CD44: variants seen among roughly 807,000 people sequenced by gnomAD.
CD44 encodes the protein CD44 molecule (IN blood group).
A neutral mutation model predicts 88.8 loss-of-function variants in CD44; 49 were observed. The observed-to-expected ratio is 0.55, with a 90% CI of 0.44 to 0.70. The LOEUF (loss-of-function observed/expected upper bound fraction) is 0.70, where lower values mean the gene tolerates loss of function less well. Among genes scored for constraint, CD44 ranks in the 30% least tolerant of loss-of-function variants. The pLI is 0.00. For synonymous variants in CD44, 325 were observed against 312.3 expected, an observed-to-expected ratio of 1.04 and a Z score of -0.43; for missense variants, 883 against 913.8, an observed-to-expected ratio of 0.97 and a Z score of 0.43.
At chr11:35,206,337 C>A (rs1327892607) in intron 11 of CD44, 94 bp downstream of exon 11, 2 of 1,289,776 alleles carry the variant, frequency 1.6e-6, no homozygotes, top group Admixed American at 2.5e-5. Flanking sequence ...TGGTTTTAGA[C>A]CAAACTACTT....
At chr11:35,183,869 T>C (rs1168231718) in intron 3 of CD44, among the ~76,000 whole-genome samples, 1 of 152,210 alleles carries the variant, frequency 6.6e-6, no homozygotes, top group Non-Finnish European at 1.5e-5. Flanking sequence ...TGTTTATCCA[T>C]TTCCTCCTTT....
intron 1 of CD44, among the ~76,000 whole-genome samples, chr11:35,147,029 G>A (rs1197788204): frequency 6.6e-6 from 1 of 152,226 alleles, no homozygotes; most frequent in Non-Finnish European, 1.5e-5. Flanking sequence ...ATAGGGTAGG[G>A]CTGAGAGGGA....
At chr11:35,204,678 T>C (rs779728186) in intron 10 of CD44, 38 bp downstream of exon 10, 1 of 1,600,852 alleles carries the variant, frequency 6.2e-7, no homozygotes, top group Non-Finnish European at 8.6e-7. Flanking sequence ...GGATGGAAAC[T>C]TCCTTTTGGG....
chr11:35,202,398 C>T (rs713330), intron 9 of CD44, among the ~76,000 whole-genome samples: 112,802 of 152,074 alleles, frequency 0.74, 42,618 homozygotes, highest in East Asian at 0.93. Flanking sequence ...TCAGGTTTTC[C>T]AAAACAATCT....
intron 1 of CD44, among the ~76,000 whole-genome samples, chr11:35,169,777 AG>A (rs1349090734): frequency 2.6e-5 from 4 of 152,210 alleles, no homozygotes; most frequent in East Asian, 1.9e-4. Flanking sequence ...TCTGAGGCTT[AG>A]GGGGCAGTAT....
At chr11:35,203,999 C>T (rs1449288171) in intron 9 of CD44, among the ~76,000 whole-genome samples, 1 of 152,218 alleles carries the variant, frequency 6.6e-6, no homozygotes, top group Non-Finnish European at 1.5e-5. Context: ...AGCCATCCCA[C>T]CATCTTTCCT....
intron 10 of CD44, chr11:35,205,855 C>T (rs1459231960): frequency 1.8e-6 from 2 of 1,100,352 alleles, no homozygotes; most frequent in Non-Finnish European, 2.2e-6. Context: ...GGTAACTCAT[C>T]CTTTCTGCAC....
intron 17 of CD44, among the ~76,000 whole-genome samples, chr11:35,228,144 A>G (rs1565170168): frequency 6.6e-6 from 1 of 152,198 alleles, no homozygotes; most frequent in African/African-American, 2.4e-5. Context: ...AAGAGGAAGC[A>G]TTGCATTAGG....
At chr11:35,206,809 T>C (rs1315002086) in intron 11 of CD44, among the ~76,000 whole-genome samples, 1 of 152,200 alleles carries the variant, frequency 6.6e-6, no homozygotes, top group Non-Finnish European at 1.5e-5. Context: ...GGGGCCATTA[T>C]GTTGAGTGAC....
At position 35,218,699 on chromosome 11, in the gene CD44, G is replaced by GT. The variant is rs1243525194; in HGVS notation, c.1874-616dup. On this transcript the variant is annotated intron_variant, in intron 15 of 17. Transcript: ENST00000428726. ...GTTCCCTTTGGGCTTTCTGGAGCGT[G>GT]TGAGTCCCCTGGGGGTCTTGTTAAA... 2.6e-5 allele frequency among the ~76,000 whole-genome samples: 4 copies of GT among 152,292 alleles called. No individual in the cohort carries two copies. In the East Asian group the frequency reaches 7.7e-4, roughly 29 times the overall value.
chr11:35,166,633 C>T (rs1255952374), intron 1 of CD44, among the ~76,000 whole-genome samples: 1 of 152,204 alleles, frequency 6.6e-6, no homozygotes, highest in African/African-American at 2.4e-5. Flanking sequence ...ATGACAGGCT[C>T]CAGGCTCCAC....
chr11:35,216,610 C>G (rs1298972897), intron 15 of CD44, among the ~76,000 whole-genome samples: 1 of 152,140 alleles, frequency 6.6e-6, no homozygotes, highest in Non-Finnish European at 1.5e-5. Flanking sequence ...GACTCAGTTT[C>G]CTTGTTAGTA....
intron 17 of CD44, chr11:35,222,631 T>C: frequency 2.7e-6 from 2 of 735,470 alleles, no homozygotes; most frequent in Non-Finnish European, 3.3e-6. Context: ...ATACATTATA[T>C]ATACACAATA....
At position 35,230,215 on chromosome 11, in the gene CD44, GT is replaced by G. The variant is rs1214886636; in HGVS notation, c.*888del. 1 of 123,024 alleles carries G rather than the reference GT, an allele frequency of 8.1e-6. No individual in the cohort carries two copies. Among genetic ancestry groups the G allele is most frequent in the Non-Finnish European group, 1.7e-5 (1 of 59,950 alleles). The allele number at this position is 123,024 out of a possible 1,614,324, so 7.6% of individuals were successfully genotyped here. A position where few individuals can be genotyped will look rare whatever the true frequency, so the allele number is the denominator to read the frequency against. ...GAGGGCAGCACTGTTTTTGTTTTTT[GT>G]TTTTTGTTTTTTTTTTTTGACACTG... On this transcript the variant is annotated 3_prime_UTR_variant, in exon 18 of 18. Coordinates refer to ENST00000428726, the MANE Select transcript of CD44 (RefSeq NM_000610.4).
chr11:35,225,550 C>G (rs2421824), intron 17 of CD44, among the ~76,000 whole-genome samples: 1 of 152,124 alleles, frequency 6.6e-6, no homozygotes, highest in Non-Finnish European at 1.5e-5. Flanking sequence ...GGCGCGGGGG[C>G]TCACACCTGT....
chr11:35,175,634 T>C (rs1054386784), intron 1 of CD44, among the ~76,000 whole-genome samples: 9 of 152,242 alleles, frequency 5.9e-5, no homozygotes, highest in Non-Finnish European at 1.3e-4. Context: ...TGCTTTCCTG[T>C]GTTTTGTAAG....
rs1403629376 is a variant in CD44 at position 35,229,487 on chromosome 11, T to C, written c.*154T>C. ...TACTCTTTTTGTTTTTTGTGTTTTG[T>C]TCTTTAAAGTCAGGTCCAATTTGTA... On this transcript the variant is annotated 3_prime_UTR_variant, in exon 18 of 18. Coordinates refer to ENST00000428726, the MANE Select transcript of CD44 (RefSeq NM_000610.4). 3.4e-6 allele frequency: 2 copies of C among 588,690 alleles called. No individual in the cohort carries two copies. The highest frequency in any genetic ancestry group is 6.0e-6 in the Non-Finnish European group (2 of 335,076). The allele number at this position is 588,690 out of a possible 1,614,324, so 36.5% of individuals were successfully genotyped here.
chr11:35,229,691 A>G lies in CD44; in HGVS notation c.*358A>G. ...CCCCCACCAGCTAAGGACATTTCCC[A>G]GGGTTAATAGGGCCTGGTCCCTGGG... On this transcript the variant is annotated 3_prime_UTR_variant, in exon 18 of 18. Coordinates refer to ENST00000428726, the MANE Select transcript of CD44 (RefSeq NM_000610.4). 4.4e-6 allele frequency: 1 copy of G among 228,894 alleles called. No homozygotes were observed. Among genetic ancestry groups the G allele is most frequent in the Non-Finnish European group, 8.8e-6 (1 of 114,166 alleles). 14.2% of individuals were successfully genotyped at this position (228,894 alleles called of 1,614,324 possible). A position where few individuals can be genotyped will look rare whatever the true frequency, so the allele number is the denominator to read the frequency against.
chr11:35,149,291 T>A (rs1452817418), intron 1 of CD44, among the ~76,000 whole-genome samples: 2 of 152,220 alleles, frequency 1.3e-5, no homozygotes, highest in Admixed American at 1.3e-4. Context: ...CACCTCCATA[T>A]AATCAGATGC....
Sources: allele counts gnomAD v4.1 joint callset (sites outside exome capture counted in the v4.1 genomes callset), GRCh38; gene constraint gnomAD v4.1.1; transcripts MANE v1.5; gene names NCBI Gene and HGNC (gene_info 2026-07-23, HGNC 2026-07-21).